The following RNF144A variants were observed in gnomAD, a reference collection of about 807,000 sequenced individuals.
The protein encoded by RNF144A is E3 ubiquitin-protein ligase RNF144A.
Under a neutral mutation model 38.7 loss-of-function variants are expected in RNF144A, and 11 were observed. The observed-to-expected ratio is 0.28, with a 90% CI of 0.18 to 0.47. The LOEUF (loss-of-function observed/expected upper bound fraction) is 0.47. RNF144A is among the 20% of genes least tolerant of loss of function. The pLI is 0.99. For missense variants in RNF144A, 316 were observed against 377.2 expected (o/e 0.84, Z 1.34); for synonymous variants, 149 against 143.9 (o/e 1.04, Z -0.25).
chr2:6,926,081 G>A (rs1240292550), intron 1 of RNF144A, among the ~76,000 whole-genome samples: 4 of 152,300 alleles, frequency 2.6e-5, no homozygotes, highest in African/African-American at 9.6e-5. Context: ...CTGGTGCAGC[G>A]GCTTGGGATG....
At chr2:6,956,987 C>G (rs1287131340) in intron 2 of RNF144A, among the ~76,000 whole-genome samples, 2 of 152,226 alleles carry the variant, frequency 1.3e-5, no homozygotes, top group African/African-American at 4.8e-5. Context: ...AGTCTGGACT[C>G]TTCCTGAACG....
chr2:6,920,904 G>A (rs916860519), intron 1 of RNF144A, among the ~76,000 whole-genome samples: 28 of 152,192 alleles, frequency 1.8e-4, no homozygotes, highest in African/African-American at 6.8e-4. Context: ...CCCTGGGCCA[G>A]CGTCTTAACC....
chr2:7,066,350 G>C (rs1453465681), intron 6 of RNF144A, among the ~76,000 whole-genome samples: 1 of 152,126 alleles, frequency 6.6e-6, no homozygotes, highest in Non-Finnish European at 1.5e-5. Flanking sequence ...GCCTCCCAAA[G>C]TGCTGGGATT....
In RNF144A at chr2:6,921,776, G is replaced by C. The variant is rs150629398; in HGVS notation, c.-212+4154G>C. 1.1e-4 allele frequency among the ~76,000 whole-genome samples: 17 copies of C among 152,346 alleles called. No individual in the cohort carries two copies. The East Asian group carries it at 2.7e-3, about 24-fold the overall frequency. On this transcript the variant is annotated intron_variant, in intron 1 of 8. Coordinates refer to ENST00000320892, the MANE Select transcript of RNF144A (RefSeq NM_014746.6). ...GGGTGGCAGGGAGGCTGCCTGCTGG[G>C]GCGATGCTGTTGGTCTGGGATGGGA...
At chr2:6,963,927 C>A (rs1667493498) in intron 2 of RNF144A, among the ~76,000 whole-genome samples, 1 of 152,128 alleles carries the variant, frequency 6.6e-6, no homozygotes, top group Non-Finnish European at 1.5e-5. Context: ...AATGGGTCGA[C>A]CTGGCCTTGC....
chr2:7,056,647 G>T (rs1052375336), intron 6 of RNF144A, among the ~76,000 whole-genome samples: 5 of 152,026 alleles, frequency 3.3e-5, no homozygotes, highest in African/African-American at 9.7e-5. Flanking sequence ...CCTCCCAATG[G>T]CATTTCCTGC....
At chr2:6,929,852 T>C (rs934686635) in intron 1 of RNF144A, among the ~76,000 whole-genome samples, 1 of 152,298 alleles carries the variant, frequency 6.6e-6, no homozygotes, top group Non-Finnish European at 1.5e-5. Context: ...GGAATTGTTA[T>C]TTAAAAAAAC....
At chr2:7,060,108 G>C (rs576634469) in intron 6 of RNF144A, among the ~76,000 whole-genome samples, 7 of 151,956 alleles carry the variant, frequency 4.6e-5, no homozygotes, top group African/African-American at 1.7e-4. Context: ...CTTCTAGAGT[G>C]AATCTACTGC....
intron 6 of RNF144A, among the ~76,000 whole-genome samples, chr2:7,052,738 T>TG (rs1039523057): frequency 6.6e-6 from 1 of 151,596 alleles, no homozygotes; most frequent in Non-Finnish European, 1.5e-5. Context: ...TAACATGGGG[T>TG]GGGGGGGAAT....
rs1673103440 is a variant in RNF144A at position 7,042,413 on chromosome 2, T to G, written c.*2653T>G. On this transcript the variant is annotated 3_prime_UTR_variant, in exon 9 of 9. Transcript: ENST00000320892. The stretch of plus-strand genomic sequence containing the variant: ...ATGGCATTCACTCTTACAGATGGTG[T>G]TCACTGCAAGCCCCAGAAGCATATG... The G allele has an allele frequency of 2.0e-6, 2 of 985,454 alleles. No homozygotes were observed. Among genetic ancestry groups the G allele is most frequent in the Non-Finnish European group, 2.4e-6 (2 of 829,930 alleles). 61.0% of individuals were successfully genotyped at this position (985,454 alleles called of 1,614,324 possible). A position where few individuals can be genotyped will look rare whatever the true frequency, so the allele number is the denominator to read the frequency against.
rs201758284 is a variant in RNF144A at position 7,024,524 on chromosome 2, C to T, written c.657+8C>T. 1.6e-5 allele frequency: 25 copies of T among 1,593,108 alleles called. No individual in the cohort carries two copies. Among genetic ancestry groups the T allele is most frequent in the African/African-American group, 5.4e-5 (4 of 74,722 alleles). On this transcript the variant is annotated splice_region_variant and intron_variant, in intron 7 of 8. Coordinates refer to ENST00000320892, the MANE Select transcript of RNF144A (RefSeq NM_014746.6). ...TGCCTGGAGTCTCTGGACGTGAGTA[C>T]GGCCTTCAGCTTCACCTTGCGGCAT... is the stretch of plus-strand genomic sequence containing the variant.
intron 5 of RNF144A, among the ~76,000 whole-genome samples, chr2:7,018,309 C>T (rs1671277040): frequency 6.6e-6 from 1 of 152,230 alleles, no homozygotes; most frequent in South Asian, 2.1e-4. Context: ...GTTTAGTGCA[C>T]ACAGCACTTG....
intron 6 of RNF144A, 23 bp downstream of exon 6, chr2:7,020,703 C>T: frequency 6.3e-7 from 1 of 1,589,376 alleles, no homozygotes; most frequent in Non-Finnish European, 8.5e-7. Flanking sequence ...CACAAGCTGC[C>T]ACCAAAGGCA....
intron 2 of RNF144A, among the ~76,000 whole-genome samples, chr2:6,957,965 A>G (rs1396178126): frequency 6.6e-6 from 1 of 152,196 alleles, no homozygotes; most frequent in South Asian, 2.1e-4. Flanking sequence ...TGGGGGCTGC[A>G]GCTGAGACTG....
chr2:7,058,793 TCTC>T (rs1246550030), intron 6 of RNF144A, among the ~76,000 whole-genome samples: 1 of 152,200 alleles, frequency 6.6e-6, no homozygotes, highest in African/African-American at 2.4e-5. Flanking sequence ...ATAGGTTTCT[TCTC>T]CTATTTTTGT....
chr2:7,017,069 T>C (rs1671184360), intron 5 of RNF144A, among the ~76,000 whole-genome samples: 1 of 152,186 alleles, frequency 6.6e-6, no homozygotes, highest in African/African-American at 2.4e-5. Flanking sequence ...GACAGATTCT[T>C]GAGCGAGGGG....
At chr2:6,948,695 T>C (rs1666492476) in intron 2 of RNF144A, among the ~76,000 whole-genome samples, 1 of 152,200 alleles carries the variant, frequency 6.6e-6, no homozygotes, top group African/African-American at 2.4e-5. Flanking sequence ...TTGGAAAATA[T>C]CTTGATTCCA....
Position 6,996,941 on chromosome 2 carries a change from GTA to G in RNF144A, c.16_17del (p.Tyr6ProfsTer46). 6.2e-7 allele frequency: 1 copy of G among 1,613,822 alleles called. No homozygotes were observed. Among genetic ancestry groups the G allele is most frequent in the Non-Finnish European group, 8.5e-7 (1 of 1,179,894 alleles). The part of the protein sequence containing the change: MTTTR[Y>X]RPTWDLALDP... The stretch of plus-strand genomic sequence containing the variant: ...ACTGTTCTGCGATGACCACAACAAG[GTA>G]CCGGCCCACCTGGGACCTGGCCCTC... On this transcript the variant is annotated frameshift_variant, in exon 3 of 9. Coordinates refer to ENST00000320892, the MANE Select transcript of RNF144A (RefSeq NM_014746.6). LOFTEE classifies it high-confidence loss of function.
At chr2:7,019,435 T>C (rs1206820678) in intron 5 of RNF144A, among the ~76,000 whole-genome samples, 1 of 152,190 alleles carries the variant, frequency 6.6e-6, no homozygotes, top group Non-Finnish European at 1.5e-5. Flanking sequence ...CGGCGGCCAG[T>C]CACAGGGCCC....
Sources: gnomAD v4.1 joint callset for allele counts (sites outside exome capture counted in the v4.1 genomes callset) on GRCh38, gnomAD v4.1.1 for gene constraint, MANE v1.5 for transcripts, NCBI Gene and HGNC (gene_info 2026-07-23, HGNC 2026-07-21) for gene names.